Variants in RASSF3 observed in about 807,000 individuals in gnomAD.
The protein encoded by RASSF3 is ras association domain-containing protein 3.
RASSF3 carries 19 observed loss-of-function variants against 19.9 expected under a neutral mutation model. The observed-to-expected ratio is 0.96, with a 90% CI of 0.67 to 1.40. RASSF3 has a LOEUF of 1.40. Ranked by LOEUF, RASSF3 falls within the 40% of genes most tolerant of loss-of-function variation. RASSF3 has a pLI of 0.00. For missense variants in RASSF3, 306 were observed against 289.8 expected (o/e 1.06, Z -0.41); for synonymous variants, 110 against 104.2 (o/e 1.06, Z -0.34).
At chr12:64,674,293 G>A (rs74100757) in intron 1 of RASSF3, among the ~76,000 whole-genome samples, 2,476 of 152,332 alleles carry the variant, frequency 0.016, 77 homozygotes, top group African/African-American at 0.057. Context: ...GTACAAAAGA[G>A]GGTGGATTGC....
At chr12:64,535,142 G>T (rs552412100) in intron 1 of RASSF3, among the ~76,000 whole-genome samples, 1 of 151,928 alleles carries the variant, frequency 6.6e-6, no homozygotes, top group South Asian at 2.1e-4. Context: ...GCAGTCCAAA[G>T]TTCCTTTGAG....
At chr12:64,654,584 C>T (rs913086083) in intron 1 of RASSF3, among the ~76,000 whole-genome samples, 2 of 135,344 alleles carry the variant, frequency 1.5e-5, no homozygotes, top group African/African-American at 5.7e-5. Flanking sequence ...GTGGGTGGAT[C>T]GCTTGAACCC....
At chr12:64,665,188 G>C (rs530501897) in intron 1 of RASSF3, among the ~76,000 whole-genome samples, 1 of 152,094 alleles carries the variant, frequency 6.6e-6, no homozygotes, top group Non-Finnish European at 1.5e-5. Context: ...AGTGCCTCTC[G>C]CAACCAATTG....
At chr12:64,563,913 T>C (rs1386186967) in intron 2 of RASSF3, among the ~76,000 whole-genome samples, 4 of 152,044 alleles carry the variant, frequency 2.6e-5, no homozygotes, top group Non-Finnish European at 5.9e-5. Flanking sequence ...ATTTCTTCTC[T>C]CCCCCATCTA....
downstream of RASSF3, among the ~76,000 whole-genome samples, chr12:64,544,417 C>T (rs181865706): frequency 5.3e-4 from 81 of 152,232 alleles, no homozygotes; most frequent in African/African-American, 1.7e-3. Flanking sequence ...TAATACTCAC[C>T]GGGAGGGTCC....
chr12:64,644,050 A>G (rs1871640990), intron 1 of RASSF3, among the ~76,000 whole-genome samples: 1 of 152,204 alleles, frequency 6.6e-6, no homozygotes, highest in Admixed American at 6.5e-5. Flanking sequence ...TTGCATGTCA[A>G]CATTGCTGAA....
intron 1 of RASSF3, among the ~76,000 whole-genome samples, chr12:64,671,768 G>A (rs1334352910): frequency 2.6e-5 from 4 of 152,224 alleles, no homozygotes; most frequent in Non-Finnish European, 4.4e-5. Flanking sequence ...GGCCCATGCC[G>A]TGCCTGTACC....
chr12:64,612,407 T>C (rs1870401251), intron 1 of RASSF3, among the ~76,000 whole-genome samples: 1 of 152,086 alleles, frequency 6.6e-6, no homozygotes, highest in African/African-American at 2.4e-5. Context: ...GTTTGAATTG[T>C]ATGAGAATCC....
chr12:64,615,588 G>A (rs1870526021), intron 1 of RASSF3, among the ~76,000 whole-genome samples: 1 of 152,052 alleles, frequency 6.6e-6, no homozygotes, highest in African/African-American at 2.4e-5. Context: ...TCTTTTATTA[G>A]TGTTTCCATT....
At chr12:64,668,683 T>TG (rs1397122208) in intron 1 of RASSF3, among the ~76,000 whole-genome samples, 2 of 148,952 alleles carry the variant, frequency 1.3e-5, no homozygotes, top group Non-Finnish European at 3.0e-5. Context: ...AATTTTGATT[T>TG]TTTTTTTTTT....
At chr12:64,649,410 T>A (rs1220338878) in intron 1 of RASSF3, among the ~76,000 whole-genome samples, 1 of 152,134 alleles carries the variant, frequency 6.6e-6, no homozygotes, top group African/African-American at 2.4e-5. Context: ...GCCAGGATGG[T>A]CTCAATCTCC....
chr12:64,617,718 G>C (rs73319644), intron 1 of RASSF3, among the ~76,000 whole-genome samples: 10,075 of 152,056 alleles, frequency 0.066, 952 homozygotes, highest in African/African-American at 0.21. Flanking sequence ...CCACCACATG[G>C]GGCTAATTTT....
In RASSF3 at chr12:64,664,979, C is replaced by G. The variant is rs781569566; in HGVS notation, c.112-19808C>G. On this transcript the variant is annotated intron_variant, in intron 1 of 4. Coordinates refer to ENST00000542104, the MANE Select transcript of RASSF3 (RefSeq NM_178169.4). ...TCGTACCTCAGTTTAATAGTGCTTA[C>G]TAAGTCATTTAAATAATAGGTCTCT... Among the ~76,000 whole-genome samples the G allele has an allele frequency of 3.6e-4, 55 of 152,296 alleles. 1 individual carries two copies. In the Middle Eastern group the frequency reaches 0.01, roughly 28 times the overall value.
intron 1 of RASSF3, among the ~76,000 whole-genome samples, chr12:64,667,913 A>T (rs1018801558): frequency 2.0e-5 from 3 of 152,192 alleles, no homozygotes; most frequent in African/African-American, 7.2e-5. Context: ...CTGAATTAAG[A>T]GGTAAGAAAG....
chr12:64,568,131 A>G (rs1869460829), intron 2 of RASSF3, among the ~76,000 whole-genome samples: 1 of 152,136 alleles, frequency 6.6e-6, no homozygotes, highest in African/African-American at 2.4e-5. Flanking sequence ...TCCTGGCTTC[A>G]AGTGATTTTC....
At position 64,694,807 on chromosome 12, in the gene RASSF3, C is replaced by T. The variant is rs751776666; in HGVS notation, c.612C>T (p.Ile204=). 1 of 1,614,196 alleles carries T rather than the reference C, an allele frequency of 6.2e-7. No homozygotes were observed. Among genetic ancestry groups the T allele is most frequent in the Admixed American group, 1.7e-5 (1 of 60,028 alleles). Residue 204 remains isoleucine, a synonymous_variant, in exon 5 of 5, where the codon ATC becomes ATT. Coordinates refer to ENST00000542104, the MANE Select transcript of RASSF3 (RefSeq NM_178169.4). ...CAGAACTACAGAATTTCTTGCGCAT[C>T]TTGGACAAGGAAGAAGATGAACAGC... ...SLPELQNFLR[I]LDKEEDEQLQ...
chr12:64,639,388 C>T (rs2136180945), intron 1 of RASSF3, among the ~76,000 whole-genome samples: 1 of 151,940 alleles, frequency 6.6e-6, no homozygotes, highest in African/African-American at 2.4e-5. Context: ...TATCTGTGCC[C>T]ACCTGTAATT....
At chr12:64,652,579 T>C (rs1872000523) in intron 1 of RASSF3, among the ~76,000 whole-genome samples, 1 of 152,148 alleles carries the variant, frequency 6.6e-6, no homozygotes, top group Admixed American at 6.5e-5. Flanking sequence ...ATGGGTTAAT[T>C]TAATTGTTCA....
chr12:64,607,536 A>AT (rs1199865571), upstream of RASSF3, among the ~76,000 whole-genome samples: 4 of 151,448 alleles, frequency 2.6e-5, no homozygotes, highest in South Asian at 2.1e-4. Context: ...TGCCCAGCTA[A>AT]TTTTTTTATA....
Sources: allele counts gnomAD v4.1 joint callset (sites outside exome capture counted in the v4.1 genomes callset), GRCh38; gene constraint gnomAD v4.1.1; transcripts MANE v1.5; gene names NCBI Gene and HGNC (gene_info 2026-07-23, HGNC 2026-07-21).